DNAH9: variants seen among roughly 807,000 people sequenced by gnomAD.
DNAH9 encodes DNAH9 variant protein.
DNAH9 carries 345 observed loss-of-function variants against 471.6 expected under a neutral mutation model. The observed-to-expected ratio is 0.73, with a 90% CI of 0.67 to 0.80. The LOEUF (loss-of-function observed/expected upper bound fraction) is 0.80. Ranked by LOEUF, DNAH9 falls within the 30% of genes least tolerant of loss-of-function variation. DNAH9 has a pLI of 0.00. For missense variants in DNAH9, 5,407 were observed against 5,609.2 expected (o/e 0.96, Z 1.15); for synonymous variants, 2,093 against 2,123.6 (o/e 0.99, Z 0.40).
At chr17:11,950,090 CTT>C (rs947463707) in intron 67 of DNAH9, among the ~76,000 whole-genome samples, 2 of 152,084 alleles carry the variant, frequency 1.3e-5, no homozygotes, top group Admixed American at 6.6e-5. Context: ...TTTAGAGTAA[CTT>C]TAAGTTCACA....
chr17:11,677,627 A>G (rs966119542), intron 17 of DNAH9, among the ~76,000 whole-genome samples: 2 of 152,160 alleles, frequency 1.3e-5, no homozygotes, highest in African/African-American at 2.4e-5. Context: ...TTGTTCATTA[A>G]CATTGATCGT....
rs370150805 is a variant in DNAH9 at position 11,843,841 on chromosome 17, T to TTGTGTGTG, written c.9507+8959_9507+8966dup. On this transcript the variant is annotated intron_variant, in intron 49 of 68. Transcript: ENST00000262442. ...TTTGTATATATACATGTATATGTGT[T>TTGTGTGTG]TGTGTGTGTGTGTGTGTGTGTGTAT... is the stretch of plus-strand genomic sequence containing the variant. Among the ~76,000 whole-genome samples the TTGTGTGTG allele has an allele frequency of 1.9e-3, 136 of 69,792 alleles. 9 individuals are homozygous for TTGTGTGTG. Among genetic ancestry groups the TTGTGTGTG allele is most frequent in the Admixed American group, 3.9e-3 (17 of 4,394 alleles). The allele number at this position is 69,792 out of a possible 152,430, so 45.8% of individuals were successfully genotyped here.
At chr17:11,756,116 A>C (rs1967374235) in intron 33 of DNAH9, among the ~76,000 whole-genome samples, 1 of 152,214 alleles carries the variant, frequency 6.6e-6, no homozygotes, top group Non-Finnish European at 1.5e-5. Flanking sequence ...TCTCTACAAA[A>C]AATACAAAAA....
intron 32 of DNAH9, among the ~76,000 whole-genome samples, chr17:11,751,866 C>G (rs1967165289): frequency 6.6e-6 from 1 of 151,978 alleles, no homozygotes; most frequent in African/African-American, 2.4e-5. Context: ...TGAAAAATTA[C>G]TAGAATTAAT....
At position 11,766,028 on chromosome 17, in the gene DNAH9, C is replaced by T. The variant is rs76975019; in HGVS notation, c.7170+2414C>T. ...GCCCCGGAGAAAGCATCCCTCCAGG[C>T]GTCCTGCGCACTGGAGCACTTGAAG... On this transcript the variant is annotated intron_variant, in intron 36 of 68. Transcript: ENST00000262442. 3.3e-3 allele frequency among the ~76,000 whole-genome samples: 509 copies of T among 152,226 alleles called. 2 individuals carry two copies. Among genetic ancestry groups the T allele is most frequent in the African/African-American group, 0.011 (467 of 41,552 alleles).
In DNAH9 at chr17:11,742,306, C is replaced by G. The variant is rs747320293; in HGVS notation, c.6104C>G (p.Ser2035Cys). ...TACCAGTTGTGCAAAGAGCTTCTCT[C>G]CAAACAGGTAGGATCTCTAGGGAGG... ...TLYQLCKELLSKQDHYDWGLR... is the reference protein window; with the variant it reads ...TLYQLCKELLCKQDHYDWGLR... The change falls in exon 30 of 69, where the codon TCC (serine) becomes TGC (cysteine). Residue 2035 changes from serine (S) to cysteine (C), a missense_variant. Ser to Cys is a moderately radical substitution (Grantham distance 112). Transcript: ENST00000262442. The G allele has an allele frequency of 6.2e-7, 1 of 1,613,982 alleles. No individual in the cohort carries two copies. Among genetic ancestry groups the G allele is most frequent in the African/African-American group, 1.3e-5 (1 of 74,924 alleles).
intron 28 of DNAH9, among the ~76,000 whole-genome samples, chr17:11,733,428 G>C (rs139829367): frequency 7.4e-4 from 112 of 152,322 alleles, no homozygotes; most frequent in South Asian, 1.7e-3. Context: ...GTGATCAGCA[G>C]CTTCCAGTCA....
chr17:11,710,277 A>G (rs745425794), intron 26 of DNAH9, among the ~76,000 whole-genome samples: 3 of 152,166 alleles, frequency 2.0e-5, no homozygotes, highest in Non-Finnish European at 2.9e-5. Flanking sequence ...TAACCATATT[A>G]TGGGTTATTT....
At chr17:11,706,768 A>C (rs888971738) in intron 26 of DNAH9, among the ~76,000 whole-genome samples, 7 of 152,322 alleles carry the variant, frequency 4.6e-5, no homozygotes, top group South Asian at 4.1e-4. Context: ...AGCATTCATT[A>C]ATTGTTAAAA....
In DNAH9 at chr17:11,960,435, T is replaced by TAAAAA. The variant is rs3074845; in HGVS notation, c.12844-1409_12844-1405dup. On this transcript the variant is annotated intron_variant, in intron 67 of 68. Coordinates refer to ENST00000262442, the MANE Select transcript of DNAH9 (RefSeq NM_001372.4). ...TGGGTGACAGAGCAAGACTCTGTCT[T>TAAAAA]AAAAAAAAAAAAAAAAAAAAAAAAA... Among the ~76,000 whole-genome samples the TAAAAA allele has an allele frequency of 2.6e-3, 141 of 54,044 alleles. 4 individuals are homozygous for TAAAAA. The highest frequency in any genetic ancestry group is 6.2e-3 in the East Asian group (10 of 1,610). The allele number at this position is 54,044 out of a possible 152,430, so 35.5% of individuals were successfully genotyped here. A position where few individuals can be genotyped will look rare whatever the true frequency, so the allele number is the denominator to read the frequency against.
intron 62 of DNAH9, among the ~76,000 whole-genome samples, chr17:11,924,616 C>CTTTTTTTTT (rs756191140): frequency 4.9e-4 from 45 of 91,988 alleles, no homozygotes; most frequent in East Asian, 9.1e-4. Flanking sequence ...ACTACTAACT[C>CTTTTTTTTT]TTTTTTTTTT....
intron 35 of DNAH9, 60 bp from the exon 36 acceptor site, chr17:11,763,380 C>A (rs1967797230): frequency 1.3e-6 from 2 of 1,489,750 alleles, no homozygotes; most frequent in Admixed American, 3.5e-5. Flanking sequence ...AGCTGTCCAA[C>A]AGCACCACCA....
intron 65 of DNAH9, among the ~76,000 whole-genome samples, chr17:11,935,073 C>A (rs538644522): frequency 6.7e-6 from 1 of 148,956 alleles, no homozygotes; most frequent in East Asian, 2.1e-4. Flanking sequence ...AAGCTATTCT[C>A]CCTGCCTCAG....
intron 37 of DNAH9, 76 bp from the exon 38 acceptor site, chr17:11,769,046 T>C: frequency 6.8e-7 from 1 of 1,481,406 alleles, no homozygotes; most frequent in Non-Finnish European, 9.4e-7. Flanking sequence ...TGTTCTGAAA[T>C]GCTTCGGAAC....
chr17:11,804,523 A>G (rs960089837), intron 43 of DNAH9, among the ~76,000 whole-genome samples: 3 of 152,242 alleles, frequency 2.0e-5, no homozygotes, highest in African/African-American at 7.2e-5. Flanking sequence ...ACATTTAAAA[A>G]TGTTCAATTC....
chr17:11,776,309 C>T (rs977256979), intron 38 of DNAH9, among the ~76,000 whole-genome samples: 11 of 147,686 alleles, frequency 7.4e-5, no homozygotes, highest in Admixed American at 2.0e-4. Flanking sequence ...GCTGCTCCTT[C>T]AAGGTGGCAG....
At chr17:11,912,677 A>C (rs1597818338) in intron 61 of DNAH9, among the ~76,000 whole-genome samples, 1 of 152,260 alleles carries the variant, frequency 6.6e-6, no homozygotes, top group East Asian at 1.9e-4. Context: ...GTACTAGTGT[A>C]TAATTCTTTT....
Position 11,783,680 on chromosome 17 carries a change from A to G in DNAH9, c.7753A>G (p.Thr2585Ala). Residue 2585 changes from threonine to alanine, a missense_variant, in exon 40 of 69, where the codon ACA becomes GCA. Coordinates refer to ENST00000262442, the MANE Select transcript of DNAH9 (RefSeq NM_001372.4). ...GAGCAAGCTGTCCCTAAAGGAGATC[A>G]CAAATGTACAGTATGTTTCCTGTAT... ...DRSKLSLKEI[T>A]NVQYVSCMNP... The G allele has an allele frequency of 6.2e-7, 1 of 1,614,142 alleles. No homozygotes were observed. The highest frequency in any genetic ancestry group is 8.5e-7 in the Non-Finnish European group (1 of 1,180,016).
intron 43 of DNAH9, among the ~76,000 whole-genome samples, chr17:11,802,573 A>G (rs1567812474): frequency 6.6e-6 from 1 of 151,130 alleles, no homozygotes; most frequent in Non-Finnish European, 1.5e-5. Flanking sequence ...TGGAAGTTGC[A>G]GGGAGCCAAG....
Sources: allele counts gnomAD v4.1 joint callset (sites outside exome capture counted in the v4.1 genomes callset), GRCh38; gene constraint gnomAD v4.1.1; transcripts MANE v1.5; gene names NCBI Gene and HGNC (gene_info 2026-07-23, HGNC 2026-07-21).